The following MAD2L2 variants were observed in gnomAD, a reference collection of about 807,000 sequenced individuals.
MAD2L2 encodes mitotic arrest deficient 2 like 2.
Under a neutral mutation model 30.5 loss-of-function variants are expected in MAD2L2, and 17 were observed. The observed-to-expected ratio is 0.56, with a 90% CI of 0.38 to 0.84. The LOEUF is 0.84. Among genes scored for constraint, MAD2L2 ranks in the 40% least tolerant of loss-of-function variants. The pLI, the probability that MAD2L2 is intolerant of heterozygous loss-of-function variation, is 0.00. For synonymous variants in MAD2L2, 101 were observed against 113.9 expected (o/e 0.89, Z 0.72); for missense variants, 213 against 277.4 (o/e 0.77, Z 1.65).
In MAD2L2 at chr1:11,687,185, C is replaced by G. The variant is rs965795517; in HGVS notation, c.-692+4228G>C. On this transcript the variant is annotated intron_variant, in intron 1 of 10. Transcript: ENST00000235310. The surrounding 1 kb of genome is among the most constrained non-coding windows in gnomAD (Gnocchi z 4.1). ...GGCTCAAGCGATCCTCCCACCTCAG[C>G]CTCCCCAATAGCTGGGGCTACAGGT... is the stretch of plus-strand genomic sequence containing the variant. Among the ~76,000 whole-genome samples the G allele has an allele frequency of 1.3e-5, 2 of 152,184 alleles. No individual in the cohort carries two copies. The highest frequency in any genetic ancestry group is 4.8e-5 in the African/African-American group (2 of 41,440).
chr1:11,681,771 G>A (rs1640885773), upstream of MAD2L2: 1 of 152,238 alleles, frequency 6.6e-6, no homozygotes, highest in African/African-American at 2.4e-5. Flanking sequence ...CTGGGCACTG[G>A]GCTAAGTGTG....
chr1:11,676,976 A>G (rs1557678538), intron 4 of MAD2L2, 28 bp from the exon 5 acceptor site: 2 of 1,562,714 alleles, frequency 1.3e-6, no homozygotes. Context: ...CCCACTGCAG[A>G]GCCAGGCACC....
At chr1:11,686,372 C>T (rs1232684047) in intron 1 of MAD2L2, among the ~76,000 whole-genome samples, 2 of 152,204 alleles carry the variant, frequency 1.3e-5, no homozygotes, top group Admixed American at 6.5e-5. Flanking sequence ...CCATTCCCTC[C>T]GTGGGGTTCT....
intron 1 of MAD2L2, among the ~76,000 whole-genome samples, chr1:11,689,183 G>A: frequency 6.6e-6 from 1 of 150,814 alleles, no homozygotes; most frequent in East Asian, 2.0e-4. Flanking sequence ...TGTAACCCCA[G>A]CTAACTGGGA....
At position 11,674,895 on chromosome 1, in the gene MAD2L2, G is replaced by A. The variant is rs1413138250; in HGVS notation, c.595-79C>T. 20 of 1,534,684 alleles carry A rather than the reference G, an allele frequency of 1.3e-5. No homozygotes were observed. Among genetic ancestry groups the A allele is most frequent in the Non-Finnish European group, 1.7e-5 (19 of 1,109,512 alleles). On this transcript the variant is annotated intron_variant, in intron 8 of 8. Transcript: ENST00000376692. This position sits in a 1 kb window ranked among gnomAD's most constrained non-coding sequence, Gnocchi z 6.1. Reference sequence around the variant, plus strand: ...CTGGAGGACACAGAAGCCCCTGGTGGGCAGACCTCCACCACAGGTGGGGCC... The same window carrying A: ...CTGGAGGACACAGAAGCCCCTGGTGAGCAGACCTCCACCACAGGTGGGGCC...
chr1:11,680,748 C>G, intron 1 of MAD2L2, 135 bp from the exon 2 acceptor site: 1 of 1,399,874 alleles, frequency 7.1e-7, no homozygotes, highest in African/African-American at 1.5e-5. Flanking sequence ...AGGCTCAGGG[C>G]AGCTGGAAGA....
intron 6 of MAD2L2, 67 bp downstream of exon 6, chr1:11,675,979 G>T: frequency 7.4e-7 from 1 of 1,355,966 alleles, no homozygotes; most frequent in Non-Finnish European, 1.1e-6. Context: ...CATGGACCTG[G>T]GAACACAGAC....
intron 1 of MAD2L2, among the ~76,000 whole-genome samples, chr1:11,686,561 T>G (rs1292010700): frequency 6.6e-6 from 1 of 152,166 alleles, no homozygotes; most frequent in Admixed American, 6.5e-5. Context: ...CCACCGCGCC[T>G]AGCTAATTTT....
chr1:11,686,579 T>C (rs1011990117), intron 1 of MAD2L2, among the ~76,000 whole-genome samples: 1 of 152,164 alleles, frequency 6.6e-6, no homozygotes, highest in Non-Finnish European at 1.5e-5. Flanking sequence ...TTTTTTGTAC[T>C]TTTAGTACAG....
At chr1:11,675,215 C>A in intron 7 of MAD2L2, 41 bp from the exon 8 acceptor site, 2 of 1,378,362 alleles carry the variant, frequency 1.5e-6, no homozygotes, top group East Asian at 2.3e-5. Context: ...CGGGGCTGGG[C>A]CCTGGCCTGC....
chr1:11,679,039 C>T (rs963569652), intron 3 of MAD2L2, among the ~76,000 whole-genome samples: 1 of 152,182 alleles, frequency 6.6e-6, no homozygotes, highest in African/African-American at 2.4e-5. Flanking sequence ...TGGCACACGC[C>T]TGTAATCCCA....
At chr1:11,675,042 A>G in intron 8 of MAD2L2, 40 bp downstream of exon 8, 1 of 1,509,124 alleles carries the variant, frequency 6.6e-7, no homozygotes. Flanking sequence ...TTCGTTAAGC[A>G]GCCCCTAAAT....
Position 11,687,811 on chromosome 1 carries a change from C to T in MAD2L2, c.-692+3602G>A, listed in dbSNP as rs36070735. On this transcript the variant is annotated intron_variant, in intron 1 of 10. Coordinates refer to the MAD2L2 transcript ENST00000235310. The surrounding 1 kb of genome is among the most constrained non-coding windows in gnomAD (Gnocchi z 4.1). ...ATCACATATTGATACTTCATTCCTT[C>T]GTAGAACCAAAATACTCCCGTGTAT... Among the ~76,000 whole-genome samples the T allele has an allele frequency of 0.078, 11,898 of 152,246 alleles. 469 individuals are homozygous for T. The highest frequency in any genetic ancestry group is 0.091 in the Non-Finnish European group (6,168 of 68,012).
chr1:11,686,558 G>A (rs190773341), intron 1 of MAD2L2, among the ~76,000 whole-genome samples: 19 of 152,218 alleles, frequency 1.2e-4, no homozygotes, highest in Admixed American at 2.6e-4. Flanking sequence ...AAGCCACCGC[G>A]CCTAGCTAAT....
intron 5 of MAD2L2, 55 bp downstream of exon 5, chr1:11,676,793 G>A (rs1031691927): frequency 2.1e-6 from 3 of 1,426,428 alleles, no homozygotes; most frequent in Non-Finnish European, 3.0e-6. Context: ...GGGTGGGTGT[G>A]TTGCCAGAGA....
At chr1:11,683,005 CA>C (rs1292353844), upstream of MAD2L2, among the ~76,000 whole-genome samples, 1 of 152,178 alleles carries the variant, frequency 6.6e-6, no homozygotes, top group Non-Finnish European at 1.5e-5. Context: ...TTGGGAAAAG[CA>C]AGGGTCTTTC....
At chr1:11,680,300 A>T in intron 3 of MAD2L2, 53 bp downstream of exon 3, 1 of 1,478,740 alleles carries the variant, frequency 6.8e-7, no homozygotes, top group South Asian at 1.2e-5. Flanking sequence ...CCGACCAAAG[A>T]ATTTTTAAAA....
Position 11,677,471 on chromosome 1 carries a change from G to A in MAD2L2, c.231+72C>T, listed in dbSNP as rs1482728716. 7.0e-6 allele frequency: 10 copies of A among 1,425,230 alleles called. No individual in the cohort carries two copies. In the African/African-American group the frequency reaches 1.3e-4, roughly 18 times the overall value. 88.3% of individuals were successfully genotyped at this position (1,425,230 alleles called of 1,614,324 possible). A position where few individuals can be genotyped will look rare whatever the true frequency, so the allele number is the denominator to read the frequency against. On this transcript the variant is annotated intron_variant, in intron 4 of 8. Coordinates refer to ENST00000376692, the MANE Select transcript of MAD2L2 (RefSeq NM_006341.4). ...AGTCCTAGCTTCACCCCATCCCAGA[G>A]TTGGACTGTGAGCACACAGGGACGG...
In MAD2L2 at chr1:11,674,972, C is replaced by G. The variant is rs893565752; in HGVS notation, c.594+110G>C. 4 of 1,261,056 alleles carry G rather than the reference C, an allele frequency of 3.2e-6. No individual in the cohort carries two copies. 78.1% of individuals were successfully genotyped at this position (1,261,056 alleles called of 1,614,324 possible). A position where few individuals can be genotyped will look rare whatever the true frequency, so the allele number is the denominator to read the frequency against. ...AGTAGAGATGGGAGGAGCCCTCCACCAGGCACTCCCCCGTTCTCTCCCGCA... is the reference window on the plus strand; with the variant it reads ...AGTAGAGATGGGAGGAGCCCTCCACGAGGCACTCCCCCGTTCTCTCCCGCA... On this transcript the variant is annotated intron_variant, in intron 8 of 8. Transcript: ENST00000376692. This position sits in a 1 kb window ranked among gnomAD's most constrained non-coding sequence, Gnocchi z 6.1.
Sources: gnomAD v4.1 joint callset for allele counts (sites outside exome capture counted in the v4.1 genomes callset) on GRCh38, gnomAD v4.1.1 for gene constraint, Gnocchi (gnomAD v3.1) non-coding constraint, MANE v1.5 for transcripts, NCBI Gene and HGNC (gene_info 2026-07-23, HGNC 2026-07-21) for gene names.